Variants in RARB observed in about 807,000 individuals in gnomAD.
RARB encodes the protein HBV-activated protein.
RARB carries 17 observed loss-of-function variants against 51.9 expected under a neutral mutation model. That is an observed-to-expected ratio of 0.33 (90% confidence interval 0.22 to 0.49). The LOEUF (loss-of-function observed/expected upper bound fraction) is 0.49, where lower values mean the gene tolerates loss of function less well. Among genes scored for constraint, RARB ranks in the 20% least tolerant of loss-of-function variants. The pLI is 0.99. For missense variants in RARB, 369 were observed against 550.8 expected (o/e 0.67, Z 3.30); for synonymous variants, 215 against 195.4 (o/e 1.10, Z -0.84).
intron 5 of RARB, among the ~76,000 whole-genome samples, chr3:25,278,354 C>A (rs1394548427): frequency 6.6e-6 from 1 of 152,160 alleles, no homozygotes; most frequent in Non-Finnish European, 1.5e-5. Flanking sequence ...CCTTGGAAGA[C>A]CCTCTTCTGT....
intron 5 of RARB, among the ~76,000 whole-genome samples, chr3:25,365,199 C>CTTTTTTTT (rs3035063): frequency 3.3e-3 from 251 of 75,374 alleles, no homozygotes; most frequent in Non-Finnish European, 4.9e-3. Flanking sequence ...TTCTTTCTTT[C>CTTTTTTTT]TTTTTTTTTT....
intron 5 of RARB, among the ~76,000 whole-genome samples, chr3:25,230,132 T>G (rs1053847610): frequency 2.0e-5 from 3 of 152,182 alleles, no homozygotes; most frequent in Non-Finnish European, 4.4e-5. Flanking sequence ...CTGTCTTCTC[T>G]GTTTCTTCCA....
chr3:25,397,098 T>G (rs1707136523), intron 5 of RARB, among the ~76,000 whole-genome samples: 1 of 152,234 alleles, frequency 6.6e-6, no homozygotes, highest in Non-Finnish European at 1.5e-5. Flanking sequence ...TATTACAAAT[T>G]TCAGCTGGAA....
chr3:25,043,634 AG>A (rs1282430714), intron 2 of RARB, among the ~76,000 whole-genome samples: 1 of 152,218 alleles, frequency 6.6e-6, no homozygotes, highest in East Asian at 1.9e-4. Context: ...TAGGCGTTAC[AG>A]GGTTTTTTTT....
intron 2 of RARB, among the ~76,000 whole-genome samples, chr3:24,927,482 T>TCAC (rs1253234039): frequency 1.3e-5 from 2 of 152,128 alleles, no homozygotes; most frequent in African/African-American, 4.8e-5. Context: ...GTTAGGGATG[T>TCAC]ATTGAGATTG....
At chr3:25,551,601 C>A (rs976168406) in intron 3 of RARB, among the ~76,000 whole-genome samples, 15 of 152,160 alleles carry the variant, frequency 9.9e-5, no homozygotes, top group African/African-American at 3.4e-4. Flanking sequence ...ATCTAATGGG[C>A]AATGGGATGG....
intron 5 of RARB, among the ~76,000 whole-genome samples, chr3:25,194,747 CAAAT>C (rs1353981912): frequency 2.6e-5 from 4 of 151,444 alleles, no homozygotes; most frequent in Non-Finnish European, 4.4e-5. Context: ...ATTCTGGAAT[CAAAT>C]AAATTAACAC....
At chr3:25,554,003 C>A (rs1699947838) in intron 3 of RARB, among the ~76,000 whole-genome samples, 1 of 151,926 alleles carries the variant, frequency 6.6e-6, no homozygotes, top group Admixed American at 6.6e-5. Context: ...GTTTGCCACA[C>A]TGTTTCCCCA....
intron 2 of RARB, among the ~76,000 whole-genome samples, chr3:25,488,480 G>A (rs997818620): frequency 3.3e-5 from 5 of 152,090 alleles, no homozygotes; most frequent in Non-Finnish European, 4.4e-5. Flanking sequence ...GGTAAATGAC[G>A]TTCCATGGAA....
intron 2 of RARB, among the ~76,000 whole-genome samples, chr3:25,029,363 A>C (rs1207765801): frequency 6.6e-6 from 1 of 152,232 alleles, no homozygotes. Context: ...CTTAGAAAGC[A>C]GGAGGCTCTA....
intron 3 of RARB, among the ~76,000 whole-genome samples, chr3:25,061,060 A>C (rs1698538602): frequency 6.6e-6 from 1 of 151,880 alleles, no homozygotes; most frequent in African/African-American, 2.4e-5. Flanking sequence ...TTGTGTAGAC[A>C]TAACTATTAC....
chr3:24,988,861 TGTCAGCCAGGCTGGA>T (rs1469094695), intron 2 of RARB, among the ~76,000 whole-genome samples: 1 of 152,254 alleles, frequency 6.6e-6, no homozygotes, highest in African/African-American at 2.4e-5. Flanking sequence ...AGTCTTGCTC[TGTCAGCCAGGCTGGA>T]GTGCAGTGGC....
At chr3:24,951,213 T>C (rs530761391) in intron 2 of RARB, among the ~76,000 whole-genome samples, 34 of 152,170 alleles carry the variant, frequency 2.2e-4, no homozygotes, top group African/African-American at 7.9e-4. Flanking sequence ...CTCCAAGTCA[T>C]GGTGTTAGAA....
At chr3:25,543,651 T>C (rs774275504) in intron 3 of RARB, among the ~76,000 whole-genome samples, 3 of 152,154 alleles carry the variant, frequency 2.0e-5, no homozygotes, top group African/African-American at 7.2e-5. Context: ...CTAAGTGAGA[T>C]GGACGATGGC....
intron 4 of RARB, among the ~76,000 whole-genome samples, chr3:25,578,857 G>T (rs1427600833): frequency 1.3e-5 from 2 of 152,210 alleles, no homozygotes; most frequent in East Asian, 3.8e-4. Context: ...TTTAACTGAG[G>T]TGGGGAACTA....
chr3:25,369,767 A>G (rs1706242447), intron 5 of RARB, among the ~76,000 whole-genome samples: 1 of 152,178 alleles, frequency 6.6e-6, no homozygotes, highest in Non-Finnish European at 1.5e-5. Flanking sequence ...TACTAAAAAT[A>G]CAACATTAGC....
intron 5 of RARB, among the ~76,000 whole-genome samples, chr3:25,238,746 G>A (rs1702361979): frequency 6.6e-6 from 1 of 152,054 alleles, no homozygotes; most frequent in African/African-American, 2.4e-5. Context: ...ACTTTGGGAG[G>A]CCGAGGCAGG....
chr3:25,045,440 C>T (rs1698195687), intron 2 of RARB, among the ~76,000 whole-genome samples: 1 of 152,154 alleles, frequency 6.6e-6, no homozygotes, highest in Non-Finnish European at 1.5e-5. Context: ...AATGGACAGC[C>T]TGTTGGCTCC....
intron 4 of RARB, among the ~76,000 whole-genome samples, chr3:25,578,633 C>T (rs1701044254): frequency 6.6e-6 from 1 of 152,204 alleles, no homozygotes; most frequent in African/African-American, 2.4e-5. Flanking sequence ...CTCATGTTCC[C>T]TCAAGTGTAC....
Sources: allele counts gnomAD v4.1 joint callset (sites outside exome capture counted in the v4.1 genomes callset), GRCh38; gene constraint gnomAD v4.1.1; transcripts MANE v1.5; gene names NCBI Gene and HGNC (gene_info 2026-07-23, HGNC 2026-07-21).